The following GABRR3 variants were observed in gnomAD, a reference collection of about 807,000 sequenced individuals.
GABRR3 encodes the protein gamma-aminobutyric acid type A receptor subunit rho3, also known as gamma-aminobutyric acid receptor subunit rho-3.
GABRR3 carries 29 observed loss-of-function variants against 43.2 expected under a neutral mutation model. The ratio of observed to expected loss-of-function variants is 0.67; its 90% CI spans 0.50 to 0.92. GABRR3 has a LOEUF of 0.92. GABRR3 is among the 40% of genes least tolerant of loss of function. The pLI, the probability that GABRR3 is intolerant of heterozygous loss-of-function variation, is 0.00. For synonymous variants in GABRR3, 206 were observed against 195.9 expected (o/e 1.05, Z -0.43); for missense variants, 576 against 572.3 (o/e 1.01, Z -0.07).
chr3:98,029,721 G>C (rs1707061970), intron 2 of GABRR3, among the ~76,000 whole-genome samples: 1 of 152,110 alleles, frequency 6.6e-6, no homozygotes, highest in African/African-American at 2.4e-5. Context: ...GTATTTAATT[G>C]AGGGGGTCAA....
At chr3:98,035,094 A>C in intron 1 of GABRR3, 96 bp downstream of exon 1, 1 of 1,342,292 alleles carries the variant, frequency 7.4e-7, no homozygotes, top group Non-Finnish European at 1.0e-6. Flanking sequence ...ATGTCAGGGG[A>C]AATGCATTAG....
intron 5 of GABRR3, among the ~76,000 whole-genome samples, chr3:98,011,776 T>C: frequency 6.6e-6 from 1 of 152,164 alleles, no homozygotes; most frequent in South Asian, 2.1e-4. Flanking sequence ...TTTTTAGAAT[T>C]ATCCATGATA....
At chr3:98,013,433 C>G (rs1408391580) in intron 4 of GABRR3, among the ~76,000 whole-genome samples, 3 of 152,204 alleles carry the variant, frequency 2.0e-5, no homozygotes. Context: ...CAGCTTCATC[C>G]AAATTATTGG....
At chr3:98,007,982 T>A in intron 6 of GABRR3, 78 bp from the exon 7 acceptor site, 1 of 1,231,134 alleles carries the variant, frequency 8.1e-7, no homozygotes, top group East Asian at 2.6e-5. Context: ...ATGTCTTATG[T>A]GGCTCTGTAT....
intron 5 of GABRR3, 37 bp downstream of exon 5, chr3:98,012,307 T>G (rs1175290955): frequency 6.6e-7 from 1 of 1,516,138 alleles, no homozygotes; most frequent in South Asian, 1.1e-5. Flanking sequence ...ATGGCTGCAG[T>G]ACAGGGAAGC....
intron 3 of GABRR3, among the ~76,000 whole-genome samples, chr3:98,020,372 A>T (rs192516999): frequency 6.6e-6 from 1 of 151,862 alleles, no homozygotes; most frequent in East Asian, 1.9e-4. Flanking sequence ...CACTACTGCA[A>T]TTAAGCAAAA....
intron 3 of GABRR3, among the ~76,000 whole-genome samples, chr3:98,021,109 C>A (rs1416470583): frequency 6.6e-6 from 1 of 152,014 alleles, no homozygotes; most frequent in Non-Finnish European, 1.5e-5. Context: ...AAATGATCCG[C>A]CTGCTTCGGC....
chr3:98,008,340 T>C (rs1706748609), intron 6 of GABRR3, among the ~76,000 whole-genome samples: 1 of 152,158 alleles, frequency 6.6e-6, no homozygotes, highest in South Asian at 2.1e-4. Context: ...TTTTCTAAAG[T>C]CAAATAGTGG....
At chr3:98,012,590 C>A (rs200146687) in intron 4 of GABRR3, 23 bp from the exon 5 acceptor site, 20 of 1,523,370 alleles carry the variant, frequency 1.3e-5, no homozygotes, top group Admixed American at 6.8e-5. Flanking sequence ...AAAAAGAGAC[C>A]AAAAAAACCA....
intron 5 of GABRR3, among the ~76,000 whole-genome samples, chr3:98,009,727 G>A (rs1213245709): frequency 1.3e-5 from 2 of 152,224 alleles, no homozygotes; most frequent in East Asian, 3.9e-4. Flanking sequence ...GTTCATAAAG[G>A]GCCCCTGAGC....
At chr3:98,028,260 A>G (rs916941281) in intron 2 of GABRR3, among the ~76,000 whole-genome samples, 1 of 152,160 alleles carries the variant, frequency 6.6e-6, no homozygotes, top group Admixed American at 6.5e-5. Flanking sequence ...TTTAATCTTT[A>G]TAGATGGAAA....
intron 3 of GABRR3, among the ~76,000 whole-genome samples, chr3:98,022,224 G>T (rs1706957470): frequency 6.6e-6 from 1 of 152,198 alleles, no homozygotes; most frequent in African/African-American, 2.4e-5. Context: ...GACGTAAAAG[G>T]TGGGGAAAAC....
At chr3:98,003,416 CTT>C (rs35589224) in intron 7 of GABRR3, among the ~76,000 whole-genome samples, 38 of 133,426 alleles carry the variant, frequency 2.8e-4, no homozygotes, top group East Asian at 4.3e-4. Context: ...AACAGTTGTC[CTT>C]TTTTTTTTTT....
intron 4 of GABRR3, 23 bp from the exon 5 acceptor site, chr3:98,012,590 C>CG (rs1553719065): frequency 6.6e-7 from 1 of 1,521,256 alleles, no homozygotes; most frequent in African/African-American, 1.4e-5. Context: ...AAAAAGAGAC[C>CG]AAAAAAACCA....
intron 4 of GABRR3, among the ~76,000 whole-genome samples, chr3:98,015,359 AT>A (rs879624373): frequency 6.6e-6 from 1 of 151,840 alleles, no homozygotes; most frequent in South Asian, 2.1e-4. Flanking sequence ...CACCCAGCTA[AT>A]TTTTTTTGTA....
At chr3:97,986,890 G>A in exon 10 of GABRR3, 3 of 1,611,774 alleles carry the variant, frequency 1.9e-6, no homozygotes, top group Non-Finnish European at 2.5e-6. Flanking sequence ...AGTTTAGAGA[G>A]AGGGAAGTCT....
At chr3:97,990,783 G>C (rs370063975) in intron 9 of GABRR3, among the ~76,000 whole-genome samples, 15 of 151,516 alleles carry the variant, frequency 9.9e-5, no homozygotes, top group Non-Finnish European at 1.9e-4. Flanking sequence ...CCAGGGCCTG[G>C]GGGGAGGGGA....
chr3:98,017,829 A>C, intron 3 of GABRR3, 107 bp from the exon 4 acceptor site: 1 of 746,822 alleles, frequency 1.3e-6, no homozygotes, highest in Non-Finnish European at 2.1e-6. Flanking sequence ...AATTACTGTT[A>C]AAGTTTTTTT....
chr3:98,026,602 GTCATCATCA>G (rs367904103), intron 2 of GABRR3, among the ~76,000 whole-genome samples: 13 of 101,528 alleles, frequency 1.3e-4, no homozygotes, highest in Non-Finnish European at 2.3e-4. Flanking sequence ...AAAGGTGGCT[GTCATCATCA>G]TCATCATCAT....
Sources: gnomAD v4.1 joint callset for allele counts (sites outside exome capture counted in the v4.1 genomes callset) on GRCh38, gnomAD v4.1.1 for gene constraint, MANE v1.5 for transcripts, NCBI Gene and HGNC (gene_info 2026-07-23, HGNC 2026-07-21) for gene names.